NUMB: variants seen among roughly 807,000 people sequenced by gnomAD.
The protein encoded by NUMB is NUMB endocytic adaptor protein.
In NUMB, 29 loss-of-function variants were observed where a neutral mutation model predicts 59.7. The observed-to-expected ratio is 0.49, with a 90% CI of 0.36 to 0.66. The LOEUF is 0.66. Among genes scored for constraint, NUMB ranks in the 30% least tolerant of loss-of-function variants. NUMB has a pLI of 0.00. For missense variants in NUMB, 723 were observed against 822.0 expected (o/e 0.88, Z 1.47); for synonymous variants, 288 against 288.2 (o/e 1.00, Z 0.01).
At chr14:73,293,487 G>T (rs2139834534) in intron 7 of NUMB, among the ~76,000 whole-genome samples, 1 of 149,778 alleles carries the variant, frequency 6.7e-6, no homozygotes, top group African/African-American at 2.5e-5. Flanking sequence ...TGCCTCCCGG[G>T]TTCAAGCAAT....
Position 73,355,736 on chromosome 14 carries a change from G to C in NUMB, c.16C>G (p.Gln6Glu). The change falls in exon 4 of 13, where the codon CAA (glutamine) becomes GAA (glutamate). Residue 6 changes from glutamine to glutamate, a missense_variant. By Grantham distance (29) the Gln-to-Glu change is conservative. Transcript: ENST00000555238. Reference protein sequence around the residue: MNKLRQSFRRKKDVYV... With the variant: MNKLRESFRRKKDVYV... ...ACATCCTTCTTTCTCCTAAAACTTT[G>C]CCGTAATTTGTTCATTTTAATTTTT... The C allele has an allele frequency of 6.2e-7, 1 of 1,611,788 alleles. No individual in the cohort carries two copies.
chr14:73,366,790 A>C (rs951879231), intron 3 of NUMB, 107 bp downstream of exon 3: 5 of 152,202 alleles, frequency 3.3e-5, no homozygotes, highest in Admixed American at 3.3e-4. Flanking sequence ...AGTAATTGTT[A>C]AACAACAGTT....
chr14:73,288,685 C>A (rs938767660), intron 8 of NUMB, among the ~76,000 whole-genome samples: 1 of 152,016 alleles, frequency 6.6e-6, no homozygotes, highest in Non-Finnish European at 1.5e-5. Context: ...CATGGAGAAA[C>A]CCTGTCTCTA....
At chr14:73,321,639 G>A (rs1323974332) in intron 5 of NUMB, among the ~76,000 whole-genome samples, 2 of 152,166 alleles carry the variant, frequency 1.3e-5, no homozygotes, top group Admixed American at 6.6e-5. Flanking sequence ...TTCAACTGGG[G>A]AATATATTTA....
At position 73,277,087 on chromosome 14, in the gene NUMB, G is replaced by C. The variant is rs548790282; in HGVS notation, c.1447C>G (p.Gln483Glu). 1.2e-6 allele frequency: 2 copies of C among 1,614,152 alleles called. No individual in the cohort carries two copies. Among genetic ancestry groups the C allele is most frequent in the Non-Finnish European group, 1.7e-6 (2 of 1,180,042 alleles). Residue 483 changes from glutamine (Q) to glutamate (E), a missense_variant, in exon 13 of 13, where the codon CAA (glutamine) becomes GAA (glutamate). This residue lies in a region of NUMB where 406 missense variants were observed against 385.4 expected (regional missense o/e 1.05). Transcript: ENST00000555238. ...TGAGAGGTGAGGAATGCATTCCCTT[G>C]GAAAGGTGATGCTGGCTGGGAGATG... is the stretch of plus-strand genomic sequence containing the variant. ...TAISQPASPF[Q>E]GNAFLTSQPV...
intron 4 of NUMB, among the ~76,000 whole-genome samples, chr14:73,342,079 T>C (rs1016882018): frequency 6.6e-6 from 1 of 152,250 alleles, no homozygotes; most frequent in African/African-American, 2.4e-5. Context: ...AAATTTGTTT[T>C]AGAGAGACAA....
chr14:73,431,017 A>G (rs1897804154), intron 1 of NUMB, among the ~76,000 whole-genome samples: 1 of 151,920 alleles, frequency 6.6e-6, no homozygotes, highest in South Asian at 2.1e-4. Flanking sequence ...GGAGTACAGT[A>G]GCGCAATCTT....
chr14:73,326,094 C>T (rs1346207696), intron 4 of NUMB, among the ~76,000 whole-genome samples: 1 of 152,060 alleles, frequency 6.6e-6, no homozygotes, highest in East Asian at 1.9e-4. Flanking sequence ...CCAGAAAGTA[C>T]CAAAGAAGGC....
chr14:73,415,162 T>C (rs1897073011), intron 1 of NUMB, among the ~76,000 whole-genome samples: 2 of 143,080 alleles, frequency 1.4e-5, no homozygotes, highest in South Asian at 2.3e-4. Context: ...CATTTCGTCA[T>C]TGGTCTGATT....
chr14:73,337,219 T>C (rs1261963854), intron 4 of NUMB, among the ~76,000 whole-genome samples: 1 of 152,058 alleles, frequency 6.6e-6, no homozygotes, highest in African/African-American at 2.4e-5. Context: ...TTTAAAAATA[T>C]ATCTTAATTG....
intron 2 of NUMB, among the ~76,000 whole-genome samples, chr14:73,384,116 T>C (rs550829184): frequency 2.4e-4 from 37 of 151,720 alleles, no homozygotes; most frequent in Non-Finnish European, 4.6e-4. Flanking sequence ...TGGAATTCTA[T>C]GCCCAATAAA....
At chr14:73,315,861 T>C (rs1373445336) in intron 6 of NUMB, among the ~76,000 whole-genome samples, 1 of 152,160 alleles carries the variant, frequency 6.6e-6, no homozygotes. Flanking sequence ...GATAATCCTC[T>C]TTTAACCTAC....
At chr14:73,352,630 G>A (rs1482749147) in intron 4 of NUMB, among the ~76,000 whole-genome samples, 1 of 141,912 alleles carries the variant, frequency 7.0e-6, no homozygotes, top group Non-Finnish European at 1.5e-5. Context: ...CGCCTCCCTG[G>A]TTCACGCGAT....
chr14:73,344,879 C>T (rs183343061), intron 4 of NUMB, among the ~76,000 whole-genome samples: 1 of 152,274 alleles, frequency 6.6e-6, no homozygotes, highest in East Asian at 1.9e-4. Context: ...AATTTATTAA[C>T]AATCAAAAAT....
intron 1 of NUMB, among the ~76,000 whole-genome samples, chr14:73,431,317 G>A (rs183009038): frequency 4.0e-5 from 6 of 150,116 alleles, no homozygotes; most frequent in Admixed American, 3.3e-4. Flanking sequence ...GGGCACTGGC[G>A]CGATCTCGGC....
Position 73,282,469 on chromosome 14 carries a change from G to A in NUMB, c.986C>T (p.Ser329Phe), listed in dbSNP as rs1182440658. Reference protein sequence around the residue: ...EVEGEAESISSLCSQITNAFS... With the variant: ...EVEGEAESISFLCSQITNAFS... ...GGCATTGGTGATCTGTGAGCACAGG[G>A]AGCTGATGCTCTCTGCCTCCCCTTC... The change falls in exon 11 of 13, where the codon TCC becomes TTC. Residue 329 changes from serine to phenylalanine, a missense_variant. Ser to Phe is a radical substitution (Grantham distance 155, BLOSUM62 -2). Around this residue, in one of 2 missense-constraint regions of NUMB, gnomAD observed 317 missense variants for 436.6 expected, o/e 0.73. Coordinates refer to ENST00000555238, the MANE Select transcript of NUMB (RefSeq NM_001005743.2). The A allele has an allele frequency of 1.9e-6, 3 of 1,614,090 alleles. No individual in the cohort carries two copies. The highest frequency in any genetic ancestry group is 2.5e-6 in the Non-Finnish European group (3 of 1,180,002).
intron 4 of NUMB, among the ~76,000 whole-genome samples, chr14:73,345,826 T>C (rs766447873): frequency 2.6e-5 from 4 of 151,820 alleles, no homozygotes; most frequent in Non-Finnish European, 5.9e-5. Context: ...GACAATCACT[T>C]GAACCCAGCA....
At chr14:73,333,658 C>T (rs1023971307) in intron 4 of NUMB, among the ~76,000 whole-genome samples, 1 of 152,006 alleles carries the variant, frequency 6.6e-6, no homozygotes, top group Admixed American at 6.6e-5. Flanking sequence ...AATTTCCAAA[C>T]ATTTTCTCCC....
In NUMB at chr14:73,386,629, C is replaced by T. The variant is rs117610326; in HGVS notation, c.-100-19648G>A. Among the ~76,000 whole-genome samples, 1,041 of 152,262 alleles carry T rather than the reference C, an allele frequency of 6.8e-3. 5 individuals are homozygous for T. Among genetic ancestry groups the T allele is most frequent in the South Asian group, 0.03 (144 of 4,822 alleles). On this transcript the variant is annotated intron_variant, in intron 2 of 12. Coordinates refer to ENST00000555238, the MANE Select transcript of NUMB (RefSeq NM_001005743.2). ...GCTCCTGATTGCAAGAAGAAAATCC[C>T]TTAGCCTTAACTACCAGGAAATTCT...
Sources: allele counts gnomAD v4.1 joint callset (sites outside exome capture counted in the v4.1 genomes callset), GRCh38; gene constraint gnomAD v4.1.1; regional missense constraint gnomAD v4.1.1; transcripts MANE v1.5; gene names NCBI Gene and HGNC (gene_info 2026-07-23, HGNC 2026-07-21).